GJC1: variants seen among roughly 807,000 people sequenced by gnomAD.
GJC1 encodes gap junction protein gamma 1.
In GJC1, 5 loss-of-function variants were observed where a neutral mutation model predicts 29.3. That is an observed-to-expected ratio of 0.17 (90% CI 0.09 to 0.36). GJC1 has a LOEUF of 0.36. Ranked by LOEUF, GJC1 falls within the 10% of genes least tolerant of loss-of-function variation. The pLI is 1.00. For synonymous variants in GJC1, 177 were observed against 183.3 expected, an observed-to-expected ratio of 0.97 and a Z score of 0.28; for missense variants, 310 against 496.2, an observed-to-expected ratio of 0.62 and a Z score of 3.56.
At chr17:44,825,985 A>C (rs1205275322) in intron 1 of GJC1, among the ~76,000 whole-genome samples, 1 of 151,888 alleles carries the variant, frequency 6.6e-6, no homozygotes, top group Admixed American at 6.6e-5. Context: ...CAGTGATGCG[A>C]TCTCGGCTAA....
intron 1 of GJC1, chr17:44,829,399 CA>C (rs2050206286): frequency 1.3e-5 from 2 of 152,178 alleles, no homozygotes; most frequent in Admixed American, 1.3e-4. Context: ...AAACAGTTCT[CA>C]AGTTTGACAA....
chr17:44,808,522 G>T (rs114058093), intron 1 of GJC1, among the ~76,000 whole-genome samples: 1,868 of 152,098 alleles, frequency 0.012, 39 homozygotes, highest in African/African-American at 0.042. Flanking sequence ...AGGCCAAGGT[G>T]GGGGGATCAC....
chr17:44,812,014 A>C (rs1597747854), intron 1 of GJC1, among the ~76,000 whole-genome samples: 8 of 151,408 alleles, frequency 5.3e-5, no homozygotes, highest in Admixed American at 5.3e-4. Context: ...AAAACAAAAA[A>C]CAAAAAACAA....
intron 1 of GJC1, among the ~76,000 whole-genome samples, chr17:44,826,976 C>A (rs1474120403): frequency 1.3e-5 from 2 of 152,148 alleles, no homozygotes; most frequent in African/African-American, 4.8e-5. Flanking sequence ...CAGCCAAAAT[C>A]TATCTTCTCA....
rs550798574 is a variant in GJC1, at chr17:44,804,918, C to T, written c.900G>A (p.Gln300=). Residue 300 remains glutamine, a synonymous_variant, in exon 3 of 3, where the codon CAG becomes CAA. Transcript: ENST00000592524. Reference sequence around the variant, plus strand: ...TCTTAGCATTGGACAGTTCGGTGTACTGGATTTGATCTGGTTTGACAGCAA... The same window carrying T: ...TCTTAGCATTGGACAGTTCGGTGTATTGGATTTGATCTGGTTTGACAGCAA... The part of the protein sequence containing the change: ...YNIAVKPDQI[Q]YTELSNAKIA... The T allele has an allele frequency of 2.5e-6, 4 of 1,614,030 alleles. No homozygotes were observed. The highest frequency in any genetic ancestry group is 2.7e-5 in the African/African-American group (2 of 74,888).
intron 1 of GJC1, among the ~76,000 whole-genome samples, chr17:44,811,860 G>A (rs1374075812): frequency 2.0e-5 from 3 of 151,938 alleles, no homozygotes; most frequent in Non-Finnish European, 2.9e-5. Flanking sequence ...AAAATTAGCC[G>A]GGCATGGTGG....
At chr17:44,830,418 A>G (rs1451909670), upstream of GJC1, among the ~76,000 whole-genome samples, 4 of 151,910 alleles carry the variant, frequency 2.6e-5, no homozygotes, top group South Asian at 8.3e-4. The surrounding 1 kb of genome is among the most constrained non-coding windows in gnomAD (Gnocchi z 4.3). Context: ...GCGAGCGCCA[A>G]CTTTCCGCGG....
At position 44,805,587 on chromosome 17, in the gene GJC1, C is replaced by G; in HGVS notation, c.231G>C (p.Trp77Cys). The change falls in exon 3 of 3, where the codon TGG becomes TGC. Residue 77 changes from tryptophan to cysteine, a missense_variant. Transcript: ENST00000592524. This position sits in a 1 kb window ranked among gnomAD's most constrained non-coding sequence, Gnocchi z 5.1. Reference protein sequence around the residue: ...AFAPLSHVRFWVFQIILVATP... With the variant: ...AFAPLSHVRFCVFQIILVATP... ...TTGCCACCAGGATGATCTGGAACAC[C>G]CAGAAGCGTACATGGGAGAGAGGTG... 6.2e-7 allele frequency: 1 copy of G among 1,614,098 alleles called. No individual in the cohort carries two copies. Among genetic ancestry groups the G allele is most frequent in the Admixed American group, 1.7e-5 (1 of 60,006 alleles).
Position 44,800,138 on chromosome 17 carries a change from G to C in GJC1, c.*4489C>G, listed in dbSNP as rs1555555793. The C allele has an allele frequency of 6.6e-6, 1 of 151,744 alleles. No homozygotes were observed. Among genetic ancestry groups the C allele is most frequent in the Non-Finnish European group, 1.5e-5 (1 of 67,952 alleles). The allele number at this position is 151,744 out of a possible 1,614,324, so 9.4% of individuals were successfully genotyped here. ...TATTACTATGAATTTTTTTTTGAGA[G>C]TTTCACTCGTTGCCCAGGCTGAAGT... is the stretch of plus-strand genomic sequence containing the variant. On this transcript the variant is annotated 3_prime_UTR_variant, in exon 3 of 3. Transcript: ENST00000592524.
intron 1 of GJC1, among the ~76,000 whole-genome samples, chr17:44,823,248 GTTT>G (rs10710605): frequency 6.8e-5 from 8 of 117,824 alleles, no homozygotes; most frequent in Admixed American, 2.8e-4. Context: ...TTTCTTTCCT[GTTT>G]TTTTTTTTTT....
In GJC1 at chr17:44,804,842, T is replaced by A. The variant is rs1374733393; in HGVS notation, c.976A>T (p.Ser326Cys). The A allele has an allele frequency of 6.2e-7, 1 of 1,614,216 alleles. No homozygotes were observed. ...TCAGCTGGGAGGTTCTCCTCATGGC[T>A]GCCATACTGCTGTTCCTGGGCTGTG... ...ANTAQEQQYGSHEENLPADLE... is the reference protein window; with the variant it reads ...ANTAQEQQYGCHEENLPADLE... Residue 326 changes from serine (S) to cysteine (C), a missense_variant, in exon 3 of 3, where the codon AGC becomes TGC. Ser to Cys is a moderately radical substitution (Grantham distance 112). Coordinates refer to ENST00000592524, the MANE Select transcript of GJC1 (RefSeq NM_005497.4).
At position 44,804,178 on chromosome 17, in the gene GJC1, A is replaced by G. The variant is rs1026781810; in HGVS notation, c.*449T>C. The G allele has an allele frequency of 9.7e-5, 15 of 154,744 alleles. No individual in the cohort carries two copies. Among genetic ancestry groups the G allele is most frequent in the Admixed American group, 9.7e-4 (15 of 15,542 alleles). 9.6% of individuals were successfully genotyped at this position (154,744 alleles called of 1,614,324 possible). On this transcript the variant is annotated 3_prime_UTR_variant, in exon 3 of 3. Transcript: ENST00000592524. ...ATTAAAAACTCTAAAGCCAGGGTAG[A>G]ATTTGCTGAACAAAGTAATAGCACT... is the stretch of plus-strand genomic sequence containing the variant.
chr17:44,818,459 G>T (rs1217817334), intron 1 of GJC1, among the ~76,000 whole-genome samples: 1 of 148,552 alleles, frequency 6.7e-6, no homozygotes, highest in Non-Finnish European at 1.5e-5. Flanking sequence ...ATTAACCCAA[G>T]AAATCACTTC....
rs530565657 is a variant in GJC1 at position 44,802,093 on chromosome 17, A to G, written c.*2534T>C. Reference sequence around the variant, plus strand: ...TGTGTGCATGTGGGGAGGTGACAGAATATCTTTATATGTACTTTAAGAAGC... The same window carrying G: ...TGTGTGCATGTGGGGAGGTGACAGAGTATCTTTATATGTACTTTAAGAAGC... On this transcript the variant is annotated 3_prime_UTR_variant, in exon 3 of 3. Coordinates refer to ENST00000592524, the MANE Select transcript of GJC1 (RefSeq NM_005497.4). 5 of 152,322 alleles carry G rather than the reference A, an allele frequency of 3.3e-5. No individual in the cohort carries two copies. The highest frequency in any genetic ancestry group is 1.9e-4 in the East Asian group (1 of 5,192). 9.4% of individuals were successfully genotyped at this position (152,322 alleles called of 1,614,324 possible).
At chr17:44,798,327 T>G (rs1455005427), downstream of GJC1, 1 of 152,216 alleles carries the variant, frequency 6.6e-6, no homozygotes, top group African/African-American at 2.4e-5. Flanking sequence ...CTTTTCTGTG[T>G]ATATCACTAA....
At chr17:44,828,137 C>T (rs912804602) in intron 1 of GJC1, among the ~76,000 whole-genome samples, 1 of 152,146 alleles carries the variant, frequency 6.6e-6, no homozygotes, top group Non-Finnish European at 1.5e-5. Flanking sequence ...TTCCCTTTGG[C>T]TGACTTATAC....
chr17:44,798,992 C>A lies in GJC1; in HGVS notation c.*5635G>T, dbSNP rs1053020969. ...AGATTGTCATCTCATGCCTCAGCCT[C>A]CCAAGTAGCTGTAAGTACAGGCACG... On this transcript the variant is annotated 3_prime_UTR_variant, in exon 3 of 3. Transcript: ENST00000592524. 5.3e-5 allele frequency: 8 copies of A among 152,056 alleles called. No individual in the cohort carries two copies. Among genetic ancestry groups the A allele is most frequent in the African/African-American group, 1.9e-4 (8 of 41,366 alleles). 9.4% of individuals were successfully genotyped at this position (152,056 alleles called of 1,614,324 possible).
At chr17:44,823,256 T>TTTG (rs2050133185) in intron 1 of GJC1, among the ~76,000 whole-genome samples, 1 of 148,362 alleles carries the variant, frequency 6.7e-6, no homozygotes, top group African/African-American at 2.6e-5. Flanking sequence ...CTGTTTTTTT[T>TTTG]TTTTTTTTTT....
chr17:44,811,342 A>G (rs1019399440), intron 1 of GJC1, among the ~76,000 whole-genome samples: 10 of 151,514 alleles, frequency 6.6e-5, no homozygotes, highest in Admixed American at 6.6e-4. Flanking sequence ...TCGGCCTCCC[A>G]AAGTGCTGGG....
Sources: gnomAD v4.1 joint callset for allele counts (sites outside exome capture counted in the v4.1 genomes callset) on GRCh38, gnomAD v4.1.1 for gene constraint, Gnocchi (gnomAD v3.1) non-coding constraint, MANE v1.5 for transcripts, NCBI Gene and HGNC (gene_info 2026-07-23, HGNC 2026-07-21) for gene names.